The following KAT6B variants were observed in gnomAD, a reference collection of about 807,000 sequenced individuals.
The protein encoded by KAT6B is lysine acetyltransferase 6B.
In KAT6B, 10 loss-of-function variants were observed where a neutral mutation model predicts 187.5. The observed-to-expected ratio is 0.05, with a 90% confidence interval of 0.03 to 0.09. The LOEUF (loss-of-function observed/expected upper bound fraction) is 0.09. KAT6B is among the 10% of genes least tolerant of loss of function. The pLI, the probability that KAT6B is intolerant of heterozygous loss-of-function variation, is 1.00. For missense variants in KAT6B, 1,952 were observed against 2,558.9 expected (o/e 0.76, Z 5.12); for synonymous variants, 861 against 926.8 (o/e 0.93, Z 1.29).
intron 13 of KAT6B, among the ~76,000 whole-genome samples, chr10:75,000,225 ACTGTCAAGGG>A (rs1413558172): frequency 6.6e-6 from 1 of 151,426 alleles, no homozygotes; most frequent in Non-Finnish European, 1.5e-5. Context: ...CAAAAGCTTG[ACTGTCAAGGG>A]CTGGGGACAC....
chr10:74,867,800 G>A (rs1405153639), intron 3 of KAT6B, among the ~76,000 whole-genome samples: 1 of 152,196 alleles, frequency 6.6e-6, no homozygotes, highest in Non-Finnish European at 1.5e-5. Context: ...TTTGGGTTTT[G>A]AAGTACACAA....
At chr10:74,831,117 A>G (rs1315119533) in intron 1 of KAT6B, among the ~76,000 whole-genome samples, 3 of 152,126 alleles carry the variant, frequency 2.0e-5, no homozygotes, top group East Asian at 3.9e-4. Context: ...TTAGCCATTT[A>G]GATAGCCTCA....
At position 74,877,779 on chromosome 10, in the gene KAT6B, A is replaced by C. The variant is rs1844531097; in HGVS notation, c.621+34301A>C. Among the ~76,000 whole-genome samples, 4 of 152,108 alleles carry C rather than the reference A, an allele frequency of 2.6e-5. No individual in the cohort carries two copies. The South Asian group carries it at 8.3e-4, about 32-fold the overall frequency. On this transcript the variant is annotated intron_variant, in intron 3 of 17. Transcript: ENST00000287239. ...AAGCATAGAAGTTTGAAGAAAGATA[A>C]TTTTTTTGTTTTTATTTTTTCTCTC...
At chr10:75,011,751 C>G (rs1168525364) in intron 13 of KAT6B, among the ~76,000 whole-genome samples, 1 of 152,138 alleles carries the variant, frequency 6.6e-6, no homozygotes. Flanking sequence ...AGACCAGGAA[C>G]TCGGTTGTGG....
At chr10:74,833,679 A>G (rs1841051968) in intron 1 of KAT6B, among the ~76,000 whole-genome samples, 1 of 152,218 alleles carries the variant, frequency 6.6e-6, no homozygotes, top group Non-Finnish European at 1.5e-5. Context: ...ATGACATAAC[A>G]AGGATATTGT....
chr10:74,906,703 ACTT>A (rs889296913), intron 3 of KAT6B, among the ~76,000 whole-genome samples: 24 of 152,152 alleles, frequency 1.6e-4, no homozygotes, highest in Admixed American at 3.9e-4. Context: ...GAGTGAGCAG[ACTT>A]CTTCGTGAAA....
At chr10:74,904,226 A>G (rs763123606) in intron 3 of KAT6B, among the ~76,000 whole-genome samples, 2 of 152,224 alleles carry the variant, frequency 1.3e-5, no homozygotes, top group Non-Finnish European at 2.9e-5. Flanking sequence ...GCTTAAAACA[A>G]TGAAAGTATA....
Position 75,020,473 on chromosome 10 carries a change from C to T in KAT6B, c.2630-109C>T, listed in dbSNP as rs907611754. ...ACATTCCTAAAGCGAATGCACTTCT[C>T]TGTTGTGATGTTTTTACCTTGTCAC... On this transcript the variant is annotated intron_variant, in intron 13 of 17. Coordinates refer to ENST00000287239, the MANE Select transcript of KAT6B (RefSeq NM_012330.4). 3 of 779,398 alleles carry T rather than the reference C, an allele frequency of 3.8e-6. No homozygotes were observed. The African/African-American group carries it at 5.1e-5, about 13-fold the overall frequency. The allele number at this position is 779,398 out of a possible 1,614,324, so 48.3% of individuals were successfully genotyped here.
chr10:74,865,188 G>A (rs553385850), intron 3 of KAT6B, among the ~76,000 whole-genome samples: 1 of 152,280 alleles, frequency 6.6e-6, no homozygotes, highest in South Asian at 2.1e-4. Context: ...AAATGAGCTA[G>A]TTATTTTGAA....
In KAT6B at chr10:74,843,361, C is replaced by A; in HGVS notation, c.504C>A (p.Asp168Glu). ...RAVNNGRLLK[D>E]GPQYRVNYGS... ...TGAATAATGGGAGGTTACTGAAAGA[C>A]GGACCGCAGTACAGGGTCAATTATG... Residue 168 changes from aspartate to glutamate, a missense_variant, in exon 3 of 18, where the codon GAC becomes GAA. By Grantham distance (45) the Asp-to-Glu change is conservative (BLOSUM62 2). Around this residue, in one of 9 missense-constraint regions of KAT6B, gnomAD observed 218 missense variants for 282.6 expected, o/e 0.77. Coordinates refer to ENST00000287239, the MANE Select transcript of KAT6B (RefSeq NM_012330.4). The A allele has an allele frequency of 1.2e-6, 2 of 1,613,042 alleles. No homozygotes were observed. The highest frequency in any genetic ancestry group is 1.7e-6 in the Non-Finnish European group (2 of 1,179,436).
At chr10:74,996,601 T>G (rs1012071440) in intron 13 of KAT6B, among the ~76,000 whole-genome samples, 2 of 151,960 alleles carry the variant, frequency 1.3e-5, no homozygotes, top group African/African-American at 4.8e-5. Flanking sequence ...AAACCCCGTC[T>G]CTACTAAAAA....
intron 3 of KAT6B, among the ~76,000 whole-genome samples, chr10:74,951,771 C>T (rs1032414477): frequency 6.6e-6 from 1 of 152,170 alleles, no homozygotes; most frequent in Admixed American, 6.6e-5. Context: ...CCCACCTTGC[C>T]ATTGATGGTT....
chr10:74,838,251 A>G (rs1841464922), intron 1 of KAT6B, among the ~76,000 whole-genome samples: 1 of 152,224 alleles, frequency 6.6e-6, no homozygotes, highest in South Asian at 2.1e-4. Context: ...TGGGACAAAC[A>G]GCGAATGCTG....
chr10:75,021,038 A>G, intron 14 of KAT6B, 88 bp from the exon 15 acceptor site: 1 of 1,307,058 alleles, frequency 7.7e-7, no homozygotes, highest in Admixed American at 1.7e-5. Context: ...TAACGCAGAT[A>G]ACATTAGTGC....
rs1442935346 is a variant in KAT6B, at chr10:74,975,835, A to C, written c.1498A>C (p.Ile500Leu). 1 of 1,613,898 alleles carries C rather than the reference A, an allele frequency of 6.2e-7. No homozygotes were observed. The highest frequency in any genetic ancestry group is 2.2e-5 in the East Asian group (1 of 44,872). Residue 500 changes from isoleucine to leucine, a missense_variant, in exon 8 of 18, where the codon ATC becomes CTC. By Grantham distance (5) the Ile-to-Leu change is conservative. This residue lies in a region of KAT6B where 417 missense variants were observed against 508.9 expected (regional missense o/e 0.82). Transcript: ENST00000287239. The stretch of plus-strand genomic sequence containing the variant: ...TTCTTCACTTCCACCCCCAACCCCC[A>C]TCTCCGGTCAGAGCCCCAGTTCACA... ...PPSSLPPPTP[I>L]SGQSPSSQKS...
chr10:74,847,636 C>G (rs904239965), intron 3 of KAT6B, among the ~76,000 whole-genome samples: 4 of 151,514 alleles, frequency 2.6e-5, no homozygotes, highest in African/African-American at 7.3e-5. Flanking sequence ...TGCATTCCAG[C>G]CTGGGCAACA....
intron 7 of KAT6B, 113 bp from the exon 8 acceptor site, chr10:74,975,286 C>T: frequency 1.2e-6 from 1 of 848,684 alleles, no homozygotes; most frequent in Non-Finnish European, 1.9e-6. Context: ...ACAAAAAATA[C>T]AGTTCTTAAG....
chr10:74,878,559 G>T (rs534436626), intron 3 of KAT6B, among the ~76,000 whole-genome samples: 1 of 148,932 alleles, frequency 6.7e-6, no homozygotes, highest in Non-Finnish European at 1.5e-5. Context: ...GGTGGAGGTT[G>T]CAGTGAGCCA....
chr10:74,982,638 C>T (rs1842583324), intron 11 of KAT6B: 1 of 152,604 alleles, frequency 6.6e-6, no homozygotes, highest in Non-Finnish European at 1.5e-5. Flanking sequence ...GAGACCATGC[C>T]TTTCTCACAG....
Sources: allele counts gnomAD v4.1 joint callset (sites outside exome capture counted in the v4.1 genomes callset), GRCh38; gene constraint gnomAD v4.1.1; regional missense constraint gnomAD v4.1.1; transcripts MANE v1.5; gene names NCBI Gene and HGNC (gene_info 2026-07-23, HGNC 2026-07-21).